Variants in BCAS3 observed in about 807,000 individuals in gnomAD.
The protein encoded by BCAS3 is BCAS4/BCAS3 fusion.
A neutral mutation model predicts 116.1 loss-of-function variants in BCAS3; 53 were observed. The observed-to-expected ratio is 0.46, with a 90% CI of 0.37 to 0.57. The LOEUF is 0.57. Among genes scored for constraint, BCAS3 ranks in the 20% least tolerant of loss-of-function variants. The pLI, the probability that BCAS3 is intolerant of heterozygous loss-of-function variation, is 0.00. For synonymous variants in BCAS3, 391 were observed against 408.2 expected (o/e 0.96, Z 0.51); for missense variants, 917 against 1,165.4 (o/e 0.79, Z 3.10).
chr17:60,990,397 G>A lies in BCAS3; in HGVS notation c.1486+162G>A, dbSNP rs1435645651. ...TTATTAAATAATTTAATAAATTGGA[G>A]CCAGTATAGTAATGGTGATCTTTAC... On this transcript the variant is annotated intron_variant, in intron 15 of 23. Coordinates refer to ENST00000407086, the MANE Select transcript of BCAS3 (RefSeq NM_017679.5). The surrounding 1 kb of genome is among the most constrained non-coding windows in gnomAD (Gnocchi z 5.1). Among the ~76,000 whole-genome samples the A allele has an allele frequency of 6.6e-6, 1 of 152,112 alleles. No individual in the cohort carries two copies. The highest frequency in any genetic ancestry group is 1.5e-5 in the Non-Finnish European group (1 of 68,028).
At chr17:61,057,141 A>G (rs1204474294) in intron 19 of BCAS3, among the ~76,000 whole-genome samples, 5 of 152,222 alleles carry the variant, frequency 3.3e-5, no homozygotes, top group African/African-American at 9.6e-5. Flanking sequence ...TGCCATTAAT[A>G]GAAGGCCTGT....
intron 12 of BCAS3, among the ~76,000 whole-genome samples, chr17:60,919,123 A>G (rs1296050867): frequency 1.3e-5 from 2 of 151,652 alleles, no homozygotes; most frequent in South Asian, 2.1e-4. Context: ...TTTCTTTGTA[A>G]TGTTGTCTGT....
In BCAS3 at chr17:61,171,472, C is replaced by A. The variant is rs976556037; in HGVS notation, c.2425+86908C>A. ...AAAAGTCATATTGAATGTAAATGGT[C>A]TAAACACTCAATTAAAAGACAGGAA... On this transcript the variant is annotated intron_variant, in intron 22 of 23. Transcript: ENST00000407086. This position sits in a 1 kb window ranked among gnomAD's most constrained non-coding sequence, Gnocchi z 4.1. Among the ~76,000 whole-genome samples, 1 of 151,980 alleles carries A rather than the reference C, an allele frequency of 6.6e-6. No homozygotes were observed. The highest frequency in any genetic ancestry group is 1.5e-5 in the Non-Finnish European group (1 of 67,996).
chr17:60,710,658 G>A (rs193156811), intron 5 of BCAS3, among the ~76,000 whole-genome samples: 2 of 151,770 alleles, frequency 1.3e-5, no homozygotes, highest in South Asian at 2.1e-4. Context: ...ATCTTGATCT[G>A]CTGACCTCGT....
chr17:60,875,995 A>G (rs1298135324), intron 9 of BCAS3, among the ~76,000 whole-genome samples: 1 of 152,032 alleles, frequency 6.6e-6, no homozygotes, highest in East Asian at 1.9e-4. Flanking sequence ...ATTTGTACAT[A>G]TTTATTATCT....
At chr17:61,263,940 A>G (rs1729458879) in intron 22 of BCAS3, among the ~76,000 whole-genome samples, 1 of 152,182 alleles carries the variant, frequency 6.6e-6, no homozygotes, top group African/African-American at 2.4e-5. Context: ...AAAAATTCTG[A>G]CCATGCATGT....
intron 7 of BCAS3, among the ~76,000 whole-genome samples, chr17:60,843,738 T>C (rs2052207990): frequency 1.3e-5 from 2 of 152,362 alleles, no homozygotes; most frequent in South Asian, 4.1e-4. Context: ...TTAACATGGC[T>C]GTATGGACAG....
rs781213577 is a variant in BCAS3, at chr17:61,392,139, G to C, written c.*14G>C. Reference sequence around the variant, plus strand: ...GGCTTCCCGTAGGTACCAGCAACCTGCTTCTGACTGGCCAGCCCCCTCCCC... The same window carrying C: ...GGCTTCCCGTAGGTACCAGCAACCTCCTTCTGACTGGCCAGCCCCCTCCCC... On this transcript the variant is annotated 3_prime_UTR_variant, in exon 24 of 24. Transcript: ENST00000407086. The surrounding 1 kb of genome is among the most constrained non-coding windows in gnomAD (Gnocchi z 6.4). 26 of 1,611,566 alleles carry C rather than the reference G, an allele frequency of 1.6e-5. No individual in the cohort carries two copies. The highest frequency in any genetic ancestry group is 2.2e-5 in the Non-Finnish European group (26 of 1,178,882).
In BCAS3 at chr17:61,032,119, G is replaced by T. The variant is rs754222968; in HGVS notation, c.1638-2547G>T. ...TTTTTATTATCATGTTAGAAAGTTT[G>T]CCATCTGGCCTGGAAGCAACTATTT... On this transcript the variant is annotated intron_variant, in intron 16 of 23. Transcript: ENST00000407086. The surrounding 1 kb of genome is among the most constrained non-coding windows in gnomAD (Gnocchi z 4.6). Among the ~76,000 whole-genome samples, 4 of 152,062 alleles carry T rather than the reference G, an allele frequency of 2.6e-5. No homozygotes were observed. Among genetic ancestry groups the T allele is most frequent in the Non-Finnish European group, 5.9e-5 (4 of 67,970 alleles).
rs2080938965 is a variant in BCAS3, at chr17:61,203,175, TC to T, written c.2425+118612del. 6.6e-6 allele frequency among the ~76,000 whole-genome samples: 1 copy of T among 152,198 alleles called. No individual in the cohort carries two copies. The highest frequency in any genetic ancestry group is 2.1e-4 in the South Asian group (1 of 4,830). ...GACTTCTCTTTTATTCTTCTTTTTT[TC>T]GAGACAGTTTCACTCTTGTCACTCA... On this transcript the variant is annotated intron_variant, in intron 22 of 23. Transcript: ENST00000407086. The surrounding 1 kb of genome is among the most constrained non-coding windows in gnomAD (Gnocchi z 5.7).
chr17:61,331,622 A>T (rs2056295457), intron 22 of BCAS3, among the ~76,000 whole-genome samples: 1 of 152,210 alleles, frequency 6.6e-6, no homozygotes, highest in Admixed American at 6.5e-5. Context: ...GTGAGACCCC[A>T]TCTCTATTTT....
At chr17:60,909,644 C>G (rs1298772383) in intron 11 of BCAS3, among the ~76,000 whole-genome samples, 5 of 152,040 alleles carry the variant, frequency 3.3e-5, no homozygotes, top group African/African-American at 1.2e-4. Context: ...TAGCTTTCTT[C>G]CTTTCATTTC....
intron 6 of BCAS3, among the ~76,000 whole-genome samples, chr17:60,804,803 T>A (rs2048121297): frequency 6.6e-6 from 1 of 152,156 alleles, no homozygotes; most frequent in Non-Finnish European, 1.5e-5. Flanking sequence ...TTTAATCAAA[T>A]TTTTGGATTT....
chr17:60,710,738 T>C (rs1195728551), intron 5 of BCAS3, among the ~76,000 whole-genome samples: 1 of 146,768 alleles, frequency 6.8e-6, no homozygotes, highest in Non-Finnish European at 1.5e-5. Flanking sequence ...GCCAACATTT[T>C]TTAAGTTAAA....
intron 7 of BCAS3, among the ~76,000 whole-genome samples, chr17:60,812,636 A>G (rs1052544793): frequency 4.6e-5 from 7 of 152,194 alleles, no homozygotes; most frequent in Non-Finnish European, 7.3e-5. Flanking sequence ...TAGATAAAGT[A>G]TACTAGGAAC....
chr17:61,116,594 T>C (rs1003856081), intron 22 of BCAS3, among the ~76,000 whole-genome samples: 3 of 152,238 alleles, frequency 2.0e-5, no homozygotes, highest in African/African-American at 7.2e-5. Flanking sequence ...TTTTCTTCCT[T>C]CCTACTGTTC....
rs1196512781 is a variant in BCAS3, at chr17:61,368,444, C to G, written c.2543C>G (p.Ala848Gly). 6.2e-7 allele frequency: 1 copy of G among 1,612,102 alleles called. No homozygotes were observed. Among genetic ancestry groups the G allele is most frequent in the African/African-American group, 1.3e-5 (1 of 74,912 alleles). Residue 848 changes from alanine (A) to glycine (G), a missense_variant, in exon 23 of 24, where the codon GCC becomes GGC. Coordinates refer to ENST00000407086, the MANE Select transcript of BCAS3 (RefSeq NM_017679.5). The surrounding 1 kb of genome is among the most constrained non-coding windows in gnomAD (Gnocchi z 6.0). ...HTEEGLRERL[A>G]DAMAESPSRD... ...GAGGAGGGCCTCCGGGAGCGACTTG[C>G]CGACGCCATGGCCGAGTCACCTAGC...
At chr17:61,370,623 G>A (rs7217891) in intron 23 of BCAS3, among the ~76,000 whole-genome samples, 112,351 of 152,146 alleles carry the variant, frequency 0.74, 42,012 homozygotes, top group Non-Finnish European at 0.79. Context: ...TCCTGACCTC[G>A]TGATCCGCCT....
intron 15 of BCAS3, among the ~76,000 whole-genome samples, chr17:60,991,532 G>T (rs1252608190): frequency 6.6e-6 from 1 of 152,168 alleles, no homozygotes; most frequent in Non-Finnish European, 1.5e-5. Context: ...CTGGAGCATT[G>T]CAGATTTCCC....
Sources: gnomAD v4.1 joint callset for allele counts (sites outside exome capture counted in the v4.1 genomes callset) on GRCh38, gnomAD v4.1.1 for gene constraint, Gnocchi (gnomAD v3.1) non-coding constraint, MANE v1.5 for transcripts, NCBI Gene and HGNC (gene_info 2026-07-23, HGNC 2026-07-21) for gene names.